The following SAMD12 variants were observed in gnomAD, a reference collection of about 807,000 sequenced individuals.
The protein encoded by SAMD12 is sterile alpha motif domain-containing protein 12.
Under a neutral mutation model 15.0 loss-of-function variants are expected in SAMD12, and 9 were observed. The observed-to-expected ratio is 0.60, with a 90% confidence interval of 0.36 to 1.05. The LOEUF (loss-of-function observed/expected upper bound fraction) is 1.05, where lower values mean the gene tolerates loss of function less well. Ranked by LOEUF, SAMD12 falls within the 50% of genes least tolerant of loss-of-function variation. The probability of loss-of-function intolerance (pLI) is 0.01; values close to 1 mark genes in which losing one functional copy is unlikely to be tolerated. For missense variants in SAMD12, 230 were observed against 234.2 expected (o/e 0.98, Z 0.12); for synonymous variants, 86 against 90.1 (o/e 0.96, Z 0.25).
At chr8:118,386,864 G>A (rs1488964141) in intron 3 of SAMD12, among the ~76,000 whole-genome samples, 3 of 152,232 alleles carry the variant, frequency 2.0e-5, no homozygotes, top group Non-Finnish European at 2.9e-5. Flanking sequence ...AGCCAAGAGT[G>A]GCCTCAGACC....
chr8:118,164,975 A>ATGTG, the SAMD12 span, among the ~76,000 whole-genome samples: 3,334 of 144,180 alleles, frequency 0.023, 51 homozygotes, highest in African/African-American at 0.034. Flanking sequence ...CTGACACTAG[A>ATGTG]TGTGTGTGTG....
intron 2 of SAMD12, among the ~76,000 whole-genome samples, chr8:118,461,709 T>G (rs146006783): frequency 6.6e-6 from 1 of 152,350 alleles, no homozygotes; most frequent in East Asian, 1.9e-4. Context: ...CTCCTTATTT[T>G]CAATTGATGC....
chr8:118,158,270 T>C, the SAMD12 span, among the ~76,000 whole-genome samples: 2 of 152,212 alleles, frequency 1.3e-5, no homozygotes, highest in Non-Finnish European at 2.9e-5. Context: ...GCTCTTAAGA[T>C]TTCACACAAA....
intron 2 of SAMD12, among the ~76,000 whole-genome samples, chr8:118,526,851 A>T (rs912840920): frequency 2.6e-5 from 4 of 152,206 alleles, no homozygotes. Context: ...ACGTATGCTG[A>T]TCTGCAGGGC....
intron 3 of SAMD12, among the ~76,000 whole-genome samples, chr8:118,429,396 C>T (rs13248112): frequency 0.54 from 81,566 of 151,946 alleles, 24,289 homozygotes; most frequent in Non-Finnish European, 0.65. Flanking sequence ...GCAAATATTC[C>T]AAAATCCAAA....
At chr8:118,463,682 G>A (rs1184420137) in intron 2 of SAMD12, among the ~76,000 whole-genome samples, 1 of 152,148 alleles carries the variant, frequency 6.6e-6, no homozygotes, top group African/African-American at 2.4e-5. Flanking sequence ...AAACCCAGGT[G>A]GCAAAATCTG....
chr8:118,418,587 C>T lies in SAMD12; in HGVS notation c.322+21245G>A, dbSNP rs138025603. 5.4e-3 allele frequency among the ~76,000 whole-genome samples: 826 copies of T among 152,072 alleles called. 10 individuals carry two copies. The highest frequency in any genetic ancestry group is 0.017 in the African/African-American group (716 of 41,490). On this transcript the variant is annotated intron_variant, in intron 3 of 3. Coordinates refer to ENST00000314727, the MANE Select transcript of SAMD12 (RefSeq NM_207506.3). ...ACAAAAAATTAGCAGAGCGTGGTGG[C>T]GGGCGCCTGTGGTCCCAGCTACTCG...
the SAMD12 span, among the ~76,000 whole-genome samples, chr8:118,137,455 T>G: frequency 6.6e-6 from 1 of 151,794 alleles, no homozygotes. Flanking sequence ...AAAGTTGGGG[T>G]TTTCCTTTCA....
At chr8:118,163,832 G>T in the SAMD12 span, among the ~76,000 whole-genome samples, 4 of 151,702 alleles carry the variant, frequency 2.6e-5, no homozygotes, top group Non-Finnish European at 4.4e-5. Context: ...CCGAGATCGC[G>T]CCACTGCCCT....
chr8:118,252,027 T>G (rs1162418593), intron 4 of SAMD12, among the ~76,000 whole-genome samples: 3 of 152,176 alleles, frequency 2.0e-5, no homozygotes, highest in Non-Finnish European at 4.4e-5. Flanking sequence ...AGTTTCCTAG[T>G]CAGGCTCTGC....
intron 4 of SAMD12, among the ~76,000 whole-genome samples, chr8:118,258,414 T>C (rs1813002053): frequency 6.6e-6 from 1 of 152,070 alleles, no homozygotes; most frequent in African/African-American, 2.4e-5. Context: ...GGAGTTAGAC[T>C]ATATTTCTGT....
intron 4 of SAMD12, among the ~76,000 whole-genome samples, chr8:118,309,685 C>T (rs971258055): frequency 6.6e-6 from 1 of 152,094 alleles, no homozygotes; most frequent in Non-Finnish European, 1.5e-5. Flanking sequence ...AAAATCCAAC[C>T]TATAGGCCTT....
intron 4 of SAMD12, among the ~76,000 whole-genome samples, chr8:118,215,501 A>C (rs991398018): frequency 6.6e-6 from 1 of 151,994 alleles, no homozygotes; most frequent in African/African-American, 2.4e-5. Context: ...TTTAGGGTAC[A>C]TGTGCACATT....
At chr8:118,226,324 C>T (rs181635688) in intron 4 of SAMD12, among the ~76,000 whole-genome samples, 7 of 152,262 alleles carry the variant, frequency 4.6e-5, no homozygotes, top group Admixed American at 1.3e-4. Context: ...CTTTCTGTGG[C>T]GTACTGAAGC....
At chr8:118,322,814 T>G (rs985691681) in intron 4 of SAMD12, among the ~76,000 whole-genome samples, 1 of 152,190 alleles carries the variant, frequency 6.6e-6, no homozygotes, top group African/African-American at 2.4e-5. Flanking sequence ...GGTGATTTTA[T>G]GCAAGTCAAC....
chr8:118,140,754 G>A, the SAMD12 span, among the ~76,000 whole-genome samples: 7 of 152,050 alleles, frequency 4.6e-5, no homozygotes, highest in Non-Finnish European at 1.0e-4. Flanking sequence ...ATTAATTCTG[G>A]CCAATTAGTG....
chr8:118,440,033 G>A lies in SAMD12; in HGVS notation c.193-72C>T, dbSNP rs1408510358. The A allele has an allele frequency of 3.9e-5, 59 of 1,502,886 alleles. No homozygotes were observed. In the East Asian group the frequency reaches 1.0e-3, roughly 26 times the overall value. The allele number at this position is 1,502,886 out of a possible 1,614,324, so 93.1% of individuals were successfully genotyped here. ...GAAGACACTATAGTTAAAAGTCTTAGAGTGTGTTAAAGGCTACAGACTGGA... is the reference window on the plus strand; with the variant it reads ...GAAGACACTATAGTTAAAAGTCTTAAAGTGTGTTAAAGGCTACAGACTGGA... On this transcript the variant is annotated intron_variant, in intron 2 of 3. Coordinates refer to ENST00000314727, the MANE Select transcript of SAMD12 (RefSeq NM_207506.3).
At chr8:118,423,575 T>C (rs998988598) in intron 3 of SAMD12, among the ~76,000 whole-genome samples, 1 of 152,176 alleles carries the variant, frequency 6.6e-6, no homozygotes, top group Non-Finnish European at 1.5e-5. Flanking sequence ...TTCTCATGTC[T>C]TATTAGGGTT....
chr8:118,445,394 C>T (rs1822884234), intron 2 of SAMD12, among the ~76,000 whole-genome samples: 1 of 152,184 alleles, frequency 6.6e-6, no homozygotes, highest in South Asian at 2.1e-4. Flanking sequence ...CTATTGCATG[C>T]TGTTTCCCGA....
Sources: allele counts gnomAD v4.1 joint callset (sites outside exome capture counted in the v4.1 genomes callset), GRCh38; gene constraint gnomAD v4.1.1; transcripts MANE v1.5; gene names NCBI Gene and HGNC (gene_info 2026-07-23, HGNC 2026-07-21).